Variants in CUX1 observed in about 807,000 individuals in gnomAD.
The protein encoded by CUX1 is cut like homeobox 1, also known as protein CASP.
In CUX1, 31 loss-of-function variants were observed where a neutral mutation model predicts 158.8. The ratio of observed to expected loss-of-function variants is 0.20; its 90% CI spans 0.15 to 0.26. The LOEUF is 0.26. CUX1 is among the 10% of genes least tolerant of loss of function. CUX1 has a pLI of 1.00. For synonymous variants in CUX1, 879 were observed against 862.1 expected (o/e 1.02, Z -0.34); for missense variants, 1,589 against 2,014.6 (o/e 0.79, Z 4.04).
intron 5 of CUX1, among the ~76,000 whole-genome samples, chr7:102,100,301 A>G (rs1175525982): frequency 6.6e-6 from 1 of 152,216 alleles, no homozygotes; most frequent in East Asian, 1.9e-4. Context: ...CTCTGGAGGC[A>G]GACAGACAGA....
chr7:101,830,958 C>T (rs998538718), intron 1 of CUX1, among the ~76,000 whole-genome samples: 6 of 152,106 alleles, frequency 3.9e-5, no homozygotes, highest in African/African-American at 7.2e-5. Context: ...TGCATCCATT[C>T]GTGTTCTGAG....
intron 5 of CUX1, among the ~76,000 whole-genome samples, chr7:102,098,865 T>C (rs1264667236): frequency 1.4e-5 from 2 of 140,332 alleles, no homozygotes; most frequent in Non-Finnish European, 3.0e-5. Flanking sequence ...TTCACCGTGT[T>C]AGCCAGGATG....
intron 8 of CUX1, among the ~76,000 whole-genome samples, chr7:102,138,197 T>C (rs1834096526): frequency 6.6e-6 from 1 of 152,176 alleles, no homozygotes; most frequent in Non-Finnish European, 1.5e-5. Context: ...AAACAAAAAG[T>C]CTAGTTAATC....
intron 8 of CUX1, among the ~76,000 whole-genome samples, chr7:102,151,326 G>T (rs1835630332): frequency 6.6e-6 from 1 of 152,152 alleles, no homozygotes; most frequent in African/African-American, 2.4e-5. Context: ...GCCGAGGCGG[G>T]TGGATCACCT....
chr7:101,826,270 T>A (rs1432356329), intron 1 of CUX1, among the ~76,000 whole-genome samples: 3 of 151,966 alleles, frequency 2.0e-5, no homozygotes, highest in Non-Finnish European at 4.4e-5. Context: ...GAGATCATAG[T>A]TCACTGAAGC....
chr7:101,840,466 C>T (rs1468236881), intron 1 of CUX1, among the ~76,000 whole-genome samples: 4 of 152,178 alleles, frequency 2.6e-5, no homozygotes, highest in Admixed American at 2.6e-4. Context: ...CTTGCAAATA[C>T]TTTTCCTTAA....
chr7:101,824,049 A>G (rs1035204803), intron 1 of CUX1, among the ~76,000 whole-genome samples: 7 of 152,196 alleles, frequency 4.6e-5, no homozygotes. Flanking sequence ...GTTTTCTCTA[A>G]CATAGTTTAA....
At chr7:102,058,040 C>A (rs1212029325) in intron 3 of CUX1, among the ~76,000 whole-genome samples, 1 of 152,124 alleles carries the variant, frequency 6.6e-6, no homozygotes, top group African/African-American at 2.4e-5. Flanking sequence ...TAGCAGCCAT[C>A]CAACACCAAG....
chr7:102,163,771 G>A (rs782767351), intron 9 of CUX1, among the ~76,000 whole-genome samples: 18 of 152,272 alleles, frequency 1.2e-4, no homozygotes, highest in African/African-American at 4.3e-4. Context: ...TGGTGCAGGT[G>A]GCAGGCATCT....
At chr7:102,259,758 GAAAGAAA>G (rs1790245986), downstream of CUX1, among the ~76,000 whole-genome samples, 5 of 14,362 alleles carry the variant, frequency 3.5e-4, no homozygotes, top group South Asian at 0.011. Context: ...AAAAAAAAAA[GAAAGAAA>G]AGAGAAAGGA....
At chr7:102,197,406 T>G in intron 15 of CUX1, 101 bp downstream of exon 15, 1 of 1,353,450 alleles carries the variant, frequency 7.4e-7, no homozygotes, top group Non-Finnish European at 1.0e-6. Flanking sequence ...GATGAAACAT[T>G]TGTGCATCAC....
chr7:101,952,912 C>T (rs1809269444), intron 2 of CUX1, among the ~76,000 whole-genome samples: 4 of 152,234 alleles, frequency 2.6e-5, no homozygotes, highest in African/African-American at 7.2e-5. Flanking sequence ...CCCAGGAGGA[C>T]ATGGGCTCTG....
At chr7:102,240,280 AT>A (rs1554534497) in intron 23 of CUX1, among the ~76,000 whole-genome samples, 1 of 152,088 alleles carries the variant, frequency 6.6e-6, no homozygotes, top group Non-Finnish European at 1.5e-5. Flanking sequence ...ATATTTATTT[AT>A]TTTTAGAGAC....
At chr7:102,026,112 G>A (rs1819994797) in intron 2 of CUX1, among the ~76,000 whole-genome samples, 1 of 152,100 alleles carries the variant, frequency 6.6e-6, no homozygotes, top group African/African-American at 2.4e-5. Context: ...CCAGGAAGTT[G>A]AGGCTGCAGT....
At chr7:101,878,681 T>G (rs1422793412) in intron 1 of CUX1, among the ~76,000 whole-genome samples, 1 of 150,372 alleles carries the variant, frequency 6.7e-6, no homozygotes, top group Non-Finnish European at 1.5e-5. Context: ...CTTTTTTTGT[T>G]TTTTTTTTTA....
intron 2 of CUX1, among the ~76,000 whole-genome samples, chr7:101,941,571 C>T (rs182125138): frequency 6.6e-6 from 1 of 152,328 alleles, no homozygotes; most frequent in East Asian, 1.9e-4. Flanking sequence ...TACTGGATCT[C>T]CTTTTCTTGC....
intron 3 of CUX1, among the ~76,000 whole-genome samples, chr7:102,031,694 T>C (rs1339142862): frequency 6.6e-6 from 1 of 152,198 alleles, no homozygotes; most frequent in Non-Finnish European, 1.5e-5. Context: ...AACATGATGC[T>C]ATGGGATACA....
At chr7:101,928,309 T>G (rs954061670) in intron 2 of CUX1, among the ~76,000 whole-genome samples, 3 of 151,998 alleles carry the variant, frequency 2.0e-5, no homozygotes, top group African/African-American at 4.8e-5. Flanking sequence ...CTTATTGTGT[T>G]CATGTTACCA....
chr7:102,192,310 C>A lies in CUX1; in HGVS notation c.1077-1532C>A, dbSNP rs549331716. 7.2e-5 allele frequency among the ~76,000 whole-genome samples: 11 copies of A among 152,312 alleles called. No homozygotes were observed. The East Asian group carries it at 2.1e-3, about 29-fold the overall frequency. ...CCATCAAGATCCCTCCTGCTGGGGTCCTCACAAGTTCTGTCTTAATGGACC... is the reference window on the plus strand; with the variant it reads ...CCATCAAGATCCCTCCTGCTGGGGTACTCACAAGTTCTGTCTTAATGGACC... On this transcript the variant is annotated intron_variant, in intron 12 of 23. Coordinates refer to ENST00000292535, the MANE Select transcript of CUX1 (RefSeq NM_181552.4).
Sources: allele counts gnomAD v4.1 joint callset (sites outside exome capture counted in the v4.1 genomes callset), GRCh38; gene constraint gnomAD v4.1.1; transcripts MANE v1.5; gene names NCBI Gene and HGNC (gene_info 2026-07-23, HGNC 2026-07-21).